The following NSL1 variants were observed in gnomAD, a reference collection of about 807,000 sequenced individuals.
The protein encoded by NSL1 is kinetochore-associated protein NSL1 homolog.
A neutral mutation model predicts 25.4 loss-of-function variants in NSL1; 11 were observed. The observed-to-expected ratio is 0.43, with a 90% CI of 0.27 to 0.72. NSL1 has a LOEUF of 0.72. Ranked by LOEUF, NSL1 falls within the 30% of genes least tolerant of loss-of-function variation. NSL1 has a pLI of 0.19. For synonymous variants in NSL1, 118 were observed against 120.6 expected (o/e 0.98, Z 0.14); for missense variants, 330 against 342.7 (o/e 0.96, Z 0.29).
intron 4 of NSL1, among the ~76,000 whole-genome samples, chr1:212,745,160 C>CAAACTATATA (rs1268799355): frequency 1.4e-4 from 16 of 117,660 alleles, no homozygotes; most frequent in Admixed American, 1.9e-4. Flanking sequence ...AACAAACAAA[C>CAAACTATATA]TATATATATA....
intron 4 of NSL1, chr1:212,782,090 G>A (rs1249056036): frequency 4.6e-6 from 3 of 652,348 alleles, no homozygotes; most frequent in African/African-American, 1.8e-5. Flanking sequence ...AGAGATAGGA[G>A]GGTATTAGAA....
intron 4 of NSL1, among the ~76,000 whole-genome samples, chr1:212,740,080 T>G (rs1401120922): frequency 6.6e-6 from 1 of 152,192 alleles, no homozygotes. Context: ...TAATACATAT[T>G]TTCTTCTTCC....
At position 212,779,840 on chromosome 1, in the gene NSL1, AG is replaced by A. The variant is rs1364624297; in HGVS notation, c.499+2531del. On this transcript the variant is annotated intron_variant, in intron 4 of 5. Coordinates refer to ENST00000366977, the MANE Select transcript of NSL1 (RefSeq NM_015471.4). ...CGTCCGGGAGGGAGGTGGGGGGGTCAGCCCCCCGCCCGACCAGCCGCCCCGT... is the reference window on the plus strand; with the variant it reads ...CGTCCGGGAGGGAGGTGGGGGGGTCACCCCCCGCCCGACCAGCCGCCCCGT... Among the ~76,000 whole-genome samples, 17 of 139,732 alleles carry A rather than the reference AG, an allele frequency of 1.2e-4. No homozygotes were observed. In the East Asian group the frequency reaches 3.3e-3, roughly 28 times the overall value. 91.7% of individuals were successfully genotyped at this position (139,732 alleles called of 152,430 possible). A position where few individuals can be genotyped will look rare whatever the true frequency, so the allele number is the denominator to read the frequency against.
intron 4 of NSL1, among the ~76,000 whole-genome samples, chr1:212,763,410 A>G (rs1370823723): frequency 6.6e-6 from 1 of 152,246 alleles, no homozygotes; most frequent in African/African-American, 2.4e-5. Flanking sequence ...AACAACTAAC[A>G]TGATGAATAG....
intron 1 of NSL1, among the ~76,000 whole-genome samples, chr1:212,790,168 C>T (rs1006037650): frequency 1.3e-5 from 2 of 152,114 alleles, no homozygotes; most frequent in African/African-American, 2.4e-5. Context: ...TGCCTGCCAC[C>T]ATGGCCGGCT....
At chr1:212,750,875 A>T (rs1294509433) in intron 4 of NSL1, among the ~76,000 whole-genome samples, 3 of 152,182 alleles carry the variant, frequency 2.0e-5, no homozygotes, top group Non-Finnish European at 4.4e-5. Context: ...TGAGAGGCAG[A>T]GGTTGCAGTG....
rs548605521 is a variant in NSL1, at chr1:212,767,147, A to G, written c.499+15225T>C. Among the ~76,000 whole-genome samples, 9 of 152,342 alleles carry G rather than the reference A, an allele frequency of 5.9e-5. No individual in the cohort carries two copies. In the East Asian group the frequency reaches 1.7e-3, roughly 29 times the overall value. ...CCACATAGCCAAAGCAAGACTAAGG[A>G]AAAAGAACAAATCTGGAGGCTTTAC... On this transcript the variant is annotated intron_variant, in intron 4 of 5. Transcript: ENST00000366977.
At chr1:212,751,790 G>GA (rs1659078514) in intron 4 of NSL1, among the ~76,000 whole-genome samples, 1 of 152,026 alleles carries the variant, frequency 6.6e-6, no homozygotes, top group African/African-American at 2.4e-5. Context: ...GTAAATGCAT[G>GA]AAAAAGGCAT....
intron 4 of NSL1, among the ~76,000 whole-genome samples, chr1:212,744,086 GA>G (rs1254907960): frequency 1.3e-5 from 2 of 152,210 alleles, no homozygotes; most frequent in African/African-American, 4.8e-5. Flanking sequence ...TGCAGCACAG[GA>G]AGTCAGTTGG....
At chr1:212,763,168 T>C (rs11120017) in intron 4 of NSL1, among the ~76,000 whole-genome samples, 31,067 of 152,060 alleles carry the variant, frequency 0.2, 3,998 homozygotes, top group African/African-American at 0.37. Flanking sequence ...GTGAGGCTCA[T>C]TGTTGCCCAC....
At chr1:212,750,448 A>G (rs1447368062) in intron 4 of NSL1, among the ~76,000 whole-genome samples, 2 of 152,204 alleles carry the variant, frequency 1.3e-5, no homozygotes, top group Non-Finnish European at 2.9e-5. Flanking sequence ...CGATGATGAA[A>G]GGAACAGGCA....
chr1:212,732,629 C>T lies in NSL1; in HGVS notation c.*5779G>A. On this transcript the variant is annotated 3_prime_UTR_variant, in exon 6 of 6. Transcript: ENST00000366977. Reference sequence around the variant, plus strand: ...TATTCCAACCTGGTCTGCCTAGTCTCCAAATCTGCTGATTAGTTAGTAGCC... The same window carrying T: ...TATTCCAACCTGGTCTGCCTAGTCTTCAAATCTGCTGATTAGTTAGTAGCC... 1.0e-6 allele frequency: 1 copy of T among 985,380 alleles called. No homozygotes were observed. The highest frequency in any genetic ancestry group is 1.2e-6 in the Non-Finnish European group (1 of 829,916). The allele number at this position is 985,380 out of a possible 1,614,324, so 61.0% of individuals were successfully genotyped here.
intron 4 of NSL1, among the ~76,000 whole-genome samples, chr1:212,740,182 A>C (rs1460293295): frequency 2.6e-5 from 4 of 152,232 alleles, no homozygotes; most frequent in African/African-American, 7.2e-5. Flanking sequence ...CCATTATGAA[A>C]TCATCTATGA....
chr1:212,729,234 T>C lies in NSL1; in HGVS notation c.*9174A>G, dbSNP rs2102417291. On this transcript the variant is annotated 3_prime_UTR_variant, in exon 6 of 6. Transcript: ENST00000366977. ...CTCAGGTTCCCTCTAGGAGCAGAAGTGCAGGTTTGCTTGGGCTCCTAGCCT... is the reference window on the plus strand; with the variant it reads ...CTCAGGTTCCCTCTAGGAGCAGAAGCGCAGGTTTGCTTGGGCTCCTAGCCT... The C allele has an allele frequency of 3.0e-6, 3 of 985,454 alleles. No homozygotes were observed. Among genetic ancestry groups the C allele is most frequent in the Non-Finnish European group, 3.6e-6 (3 of 829,944 alleles). The allele number at this position is 985,454 out of a possible 1,614,324, so 61.0% of individuals were successfully genotyped here.
At position 212,729,039 on chromosome 1, in the gene NSL1, G is replaced by A; in HGVS notation, c.*9369C>T. ...TGTCAATCTGAAATTTTTTTTAAAG[G>A]AAGAATACTTGGGTTGGGCTTACAA... On this transcript the variant is annotated 3_prime_UTR_variant, in exon 6 of 6. Coordinates refer to ENST00000366977, the MANE Select transcript of NSL1 (RefSeq NM_015471.4). The A allele has an allele frequency of 1.0e-6, 1 of 985,370 alleles. No individual in the cohort carries two copies. Among genetic ancestry groups the A allele is most frequent in the Non-Finnish European group, 1.2e-6 (1 of 829,904 alleles). 61.0% of individuals were successfully genotyped at this position (985,370 alleles called of 1,614,324 possible). A position where few individuals can be genotyped will look rare whatever the true frequency, so the allele number is the denominator to read the frequency against.
intron 4 of NSL1, among the ~76,000 whole-genome samples, chr1:212,749,917 T>C (rs1396209169): frequency 6.7e-6 from 1 of 149,858 alleles, no homozygotes; most frequent in Non-Finnish European, 1.5e-5. Flanking sequence ...GTGCTGGACA[T>C]ATGAGACATC....
At chr1:212,746,226 T>A (rs1296290165) in intron 4 of NSL1, among the ~76,000 whole-genome samples, 1 of 152,136 alleles carries the variant, frequency 6.6e-6, no homozygotes, top group Non-Finnish European at 1.5e-5. Context: ...TCTACATTAA[T>A]GGATATACAA....
chr1:212,737,184 C>T lies in NSL1; in HGVS notation c.*1224G>A. ...CAAGATCAGTCTTTGTACATTATTT[C>T]AATGAAAAACACATAGCTGTGTACA... is the stretch of plus-strand genomic sequence containing the variant. On this transcript the variant is annotated 3_prime_UTR_variant, in exon 6 of 6. Coordinates refer to ENST00000366977, the MANE Select transcript of NSL1 (RefSeq NM_015471.4). The T allele has an allele frequency of 2.0e-6, 2 of 985,320 alleles. No individual in the cohort carries two copies. The highest frequency in any genetic ancestry group is 4.7e-5 in the South Asian group (1 of 21,292). The allele number at this position is 985,320 out of a possible 1,614,324, so 61.0% of individuals were successfully genotyped here.
intron 4 of NSL1, among the ~76,000 whole-genome samples, chr1:212,740,211 A>G (rs572653193): frequency 6.6e-6 from 1 of 152,348 alleles, no homozygotes; most frequent in East Asian, 1.9e-4. Context: ...TTAGAAGAGT[A>G]GTTCTCACTA....
Sources: gnomAD v4.1 joint callset for allele counts (sites outside exome capture counted in the v4.1 genomes callset) on GRCh38, gnomAD v4.1.1 for gene constraint, MANE v1.5 for transcripts, NCBI Gene and HGNC (gene_info 2026-07-23, HGNC 2026-07-21) for gene names.